SH3BP2: variants seen among roughly 807,000 people sequenced by gnomAD.
SH3BP2 encodes the protein SH3 domain-binding protein 2.
SH3BP2 carries 38 observed loss-of-function variants against 56.2 expected under a neutral mutation model. The observed-to-expected ratio is 0.68, with a 90% confidence interval of 0.52 to 0.89. SH3BP2 has a LOEUF of 0.89. Among genes scored for constraint, SH3BP2 ranks in the 40% least tolerant of loss-of-function variants. The pLI is 0.00. For synonymous variants in SH3BP2, 346 were observed against 316.7 expected, an observed-to-expected ratio of 1.09 and a Z score of -0.98; for missense variants, 748 against 762.6, an observed-to-expected ratio of 0.98 and a Z score of 0.23.
At chr4:2,832,173 G>T in intron 10 of SH3BP2, 158 bp from the exon 11 acceptor site, 1 of 955,060 alleles carries the variant, frequency 1.0e-6, no homozygotes, top group East Asian at 2.5e-5. Flanking sequence ...GGGCTCTGCT[G>T]GGCTGCTTCT....
At chr4:2,832,878 G>A (rs925523543) in intron 11 of SH3BP2, 112 bp from the exon 12 acceptor site, 12 of 1,096,728 alleles carry the variant, frequency 1.1e-5, no homozygotes, top group Non-Finnish European at 1.4e-5. Flanking sequence ...CCCCCCGAGG[G>A]CCACAGGACC....
At chr4:2,818,237 G>A in intron 1 of SH3BP2, 7 of 988,482 alleles carry the variant, frequency 7.1e-6, no homozygotes, top group Non-Finnish European at 8.4e-6. Flanking sequence ...GCGGGCTCCG[G>A]GCCGCGGCCG....
intron 12 of SH3BP2, 57 bp downstream of exon 12, chr4:2,833,106 G>T: frequency 6.6e-7 from 1 of 1,519,142 alleles, no homozygotes. Context: ...CAAGGGGCAG[G>T]GCAGAATCTC....
chr4:2,818,428 G>T lies in SH3BP2; in HGVS notation c.-4-2186G>T, dbSNP rs544560845. 8.4e-3 allele frequency: 9,346 copies of T among 1,113,596 alleles called. 52 individuals are homozygous for T. The highest frequency in any genetic ancestry group is 9.4e-3 in the Non-Finnish European group (8,381 of 894,526). 69.0% of individuals were successfully genotyped at this position (1,113,596 alleles called of 1,614,324 possible). ...CCCCGGCCCCCGAGCCCCGGGACCC[G>T]GGCCGCGAGCTTCCGGCTCTGGACC... On this transcript the variant is annotated intron_variant, in intron 1 of 12. Transcript: ENST00000503393.
Position 2,829,533 on chromosome 4 carries a change from G to A in SH3BP2, c.627G>A (p.Val209=), listed in dbSNP as rs1359087700. 13 of 1,613,386 alleles carry A rather than the reference G, an allele frequency of 8.1e-6. No homozygotes were observed. The highest frequency in any genetic ancestry group is 1.1e-5 in the Non-Finnish European group (13 of 1,179,974). The change falls in exon 8 of 13, where the codon GTG becomes GTA. Residue 209 remains valine, a synonymous_variant. Transcript: ENST00000503393. This position sits in a 1 kb window ranked among gnomAD's most constrained non-coding sequence, Gnocchi z 4.9. ...MHPPAYPPPP[V]PTPRKPAFSD... ...CACCGGCTTACCCACCACCCCCAGT[G>A]CCCACGCCCAGGAAGCCAGCCTTCT...
At chr4:2,809,688 C>T (rs953288504) in intron 1 of SH3BP2, 4 of 600,852 alleles carry the variant, frequency 6.7e-6, no homozygotes, top group African/African-American at 2.0e-5. Flanking sequence ...TGGCTGCAGA[C>T]ACCACCCACT....
chr4:2,825,602 A>G (rs1033157413), intron 5 of SH3BP2, among the ~76,000 whole-genome samples: 4 of 152,006 alleles, frequency 2.6e-5, no homozygotes, highest in Non-Finnish European at 5.9e-5. Context: ...ATGCACACAC[A>G]CACAGAGCAT....
chr4:2,822,906 C>T (rs993826884), intron 2 of SH3BP2, 29 bp from the exon 3 acceptor site: 47 of 1,585,512 alleles, frequency 3.0e-5, no homozygotes, highest in Non-Finnish European at 3.9e-5. Flanking sequence ...CCTCCAGGCT[C>T]ACCTTCCTGC....
At chr4:2,803,278 C>T (rs974950544) in intron 1 of SH3BP2, among the ~76,000 whole-genome samples, 1 of 152,228 alleles carries the variant, frequency 6.6e-6, no homozygotes, top group Non-Finnish European at 1.5e-5. Context: ...GTTTCTCTGA[C>T]TGGCGCCCCT....
In SH3BP2 at chr4:2,833,990, C is replaced by T. The variant is rs1487571686; in HGVS notation, c.*156C>T. ...ACATCTCGTAGGACCCAGCCAGTCTCATCCAGCAGGTTGGGTTCTAGGGCT... is the reference window on the plus strand; with the variant it reads ...ACATCTCGTAGGACCCAGCCAGTCTTATCCAGCAGGTTGGGTTCTAGGGCT... On this transcript the variant is annotated 3_prime_UTR_variant, in exon 13 of 13. Coordinates refer to ENST00000503393, the MANE Select transcript of SH3BP2 (RefSeq NM_001122681.2). 7 of 910,500 alleles carry T rather than the reference C, an allele frequency of 7.7e-6. No homozygotes were observed. Among genetic ancestry groups the T allele is most frequent in the Middle Eastern group, 3.4e-4 (1 of 2,916 alleles). 56.4% of individuals were successfully genotyped at this position (910,500 alleles called of 1,614,324 possible). A position where few individuals can be genotyped will look rare whatever the true frequency, so the allele number is the denominator to read the frequency against.
intron 12 of SH3BP2, 94 bp downstream of exon 12, chr4:2,833,143 A>G: frequency 8.7e-7 from 1 of 1,143,326 alleles, no homozygotes; most frequent in Non-Finnish European, 1.3e-6. Flanking sequence ...CAGCGGGTAG[A>G]CTGAGACTGG....
chr4:2,823,077 G>T (rs1724396667), intron 3 of SH3BP2, 40 bp downstream of exon 3: 3 of 1,436,484 alleles, frequency 2.1e-6, no homozygotes, highest in Non-Finnish European at 2.9e-6. Flanking sequence ...GGCCCCCACA[G>T]CCAGCGGGTC....
rs759582599 is a variant in SH3BP2 at position 2,829,655 on chromosome 4, C to A, written c.749C>A (p.Ala250Asp). 1 of 1,613,130 alleles carries A rather than the reference C, an allele frequency of 6.2e-7. No homozygotes were observed. The highest frequency in any genetic ancestry group is 1.3e-5 in the African/African-American group (1 of 74,984). Residue 250 changes from alanine (A) to aspartate (D), a missense_variant, in exon 8 of 13, where the codon GCT becomes GAT. Physicochemically the swap from Ala to Asp is moderately radical, Grantham distance 126. This residue lies in a region of SH3BP2 where 635 missense variants were observed against 615.0 expected (regional missense o/e 1.03). Transcript: ENST00000503393. The surrounding 1 kb of genome is among the most constrained non-coding windows in gnomAD (Gnocchi z 4.9). ...PKHGLPDVGL[A>D]AEDSKRDPLC... The stretch of plus-strand genomic sequence containing the variant: ...CACGGCCTCCCAGATGTTGGCCTGG[C>A]TGCTGAGGACTCCAAGAGGGACCCA...
intron 1 of SH3BP2, among the ~76,000 whole-genome samples, chr4:2,802,528 A>ATG (rs1354261670): frequency 2.5e-5 from 2 of 78,956 alleles, no homozygotes; most frequent in African/African-American, 1.3e-4. Flanking sequence ...GTATATATAT[A>ATG]TGTATGTGTG....
intron 1 of SH3BP2, chr4:2,818,164 C>T: frequency 2.1e-6 from 2 of 967,784 alleles, no homozygotes; most frequent in Non-Finnish European, 1.2e-6. Context: ...CCTCACCTGC[C>T]CGCCCAGTCC....
At chr4:2,821,066 A>C (rs1027387670) in intron 2 of SH3BP2, among the ~76,000 whole-genome samples, 1 of 152,084 alleles carries the variant, frequency 6.6e-6, no homozygotes, top group African/African-American at 2.4e-5. Context: ...TGAATCCGTG[A>C]ATGTTCAGTG....
intron 10 of SH3BP2, 167 bp downstream of exon 10, chr4:2,832,145 T>G (rs530745233): frequency 3.1e-6 from 3 of 957,878 alleles, no homozygotes; most frequent in East Asian, 5.1e-5. Context: ...CATGCCCAGC[T>G]GGCACCCTGG....
At chr4:2,814,289 C>A (rs1723896504) in intron 1 of SH3BP2, among the ~76,000 whole-genome samples, 1 of 152,026 alleles carries the variant, frequency 6.6e-6, no homozygotes, top group African/African-American at 2.4e-5. Context: ...GTGGTGGGAG[C>A]CACAGAGCCT....
At position 2,810,521 on chromosome 4, in the gene SH3BP2, G is replaced by A. The variant is rs1470357097; in HGVS notation, c.-4-10093G>A. Among the ~76,000 whole-genome samples, 5 of 151,792 alleles carry A rather than the reference G, an allele frequency of 3.3e-5. No individual in the cohort carries two copies. The highest frequency in any genetic ancestry group is 4.1e-4 in the South Asian group (2 of 4,830). ...ATTTGCCTGCCCAGTAAGGGGTGGC[G>A]TGTTCCTGAGAGCGCCGGCTGCCTC... On this transcript the variant is annotated intron_variant, in intron 1 of 12. Coordinates refer to ENST00000503393, the MANE Select transcript of SH3BP2 (RefSeq NM_001122681.2). This position sits in a 1 kb window ranked among gnomAD's most constrained non-coding sequence, Gnocchi z 4.2.
Sources: gnomAD v4.1 joint callset for allele counts (sites outside exome capture counted in the v4.1 genomes callset) on GRCh38, gnomAD v4.1.1 for gene constraint, gnomAD v4.1.1 regional missense constraint, Gnocchi (gnomAD v3.1) non-coding constraint, MANE v1.5 for transcripts, NCBI Gene and HGNC (gene_info 2026-07-23, HGNC 2026-07-21) for gene names.